Variants in HHAT observed in about 807,000 individuals in gnomAD.
The protein encoded by HHAT is hedgehog acyltransferase, also known as protein-cysteine N-palmitoyltransferase HHAT.
In HHAT, 47 loss-of-function variants were observed where a neutral mutation model predicts 70.8. That is an observed-to-expected ratio of 0.66 (90% CI 0.53 to 0.85). The LOEUF (loss-of-function observed/expected upper bound fraction) is 0.85, where lower values mean the gene tolerates loss of function less well. HHAT is among the 40% of genes least tolerant of loss of function. The pLI, the probability that HHAT is intolerant of heterozygous loss-of-function variation, is 0.00. For synonymous variants in HHAT, 228 were observed against 247.6 expected (o/e 0.92, Z 0.74); for missense variants, 609 against 604.8 (o/e 1.01, Z -0.07).
chr1:210,552,032 A>G (rs774053969), intron 9 of HHAT, among the ~76,000 whole-genome samples: 76 of 152,314 alleles, frequency 5.0e-4, no homozygotes, highest in Admixed American at 8.5e-4. Flanking sequence ...TTCATAATCT[A>G]TGACCCGCAG....
At chr1:210,337,036 C>T (rs1402230029) in intron 1 of HHAT, among the ~76,000 whole-genome samples, 1 of 152,056 alleles carries the variant, frequency 6.6e-6, no homozygotes, top group Admixed American at 6.6e-5. Context: ...ATAATTGACT[C>T]CCTTTTGCCA....
chr1:210,561,064 G>T (rs2095618986), intron 9 of HHAT, among the ~76,000 whole-genome samples: 1 of 152,040 alleles, frequency 6.6e-6, no homozygotes, highest in Non-Finnish European at 1.5e-5. Flanking sequence ...TCCTTTCCAG[G>T]TTTAAAACAG....
At chr1:210,581,524 A>G (rs1200164342) in intron 9 of HHAT, among the ~76,000 whole-genome samples, 1 of 152,242 alleles carries the variant, frequency 6.6e-6, no homozygotes, top group Non-Finnish European at 1.5e-5. Flanking sequence ...CCAGTGTAAC[A>G]TGGACAAAAG....
intron 6 of HHAT, among the ~76,000 whole-genome samples, chr1:210,408,020 C>T (rs1025455759): frequency 6.6e-6 from 1 of 152,088 alleles, no homozygotes; most frequent in African/African-American, 2.4e-5. Context: ...TGCTGTGCTT[C>T]GGCTTGAGAG....
intron 9 of HHAT, among the ~76,000 whole-genome samples, chr1:210,586,274 A>G (rs764079515): frequency 2.6e-5 from 4 of 152,094 alleles, no homozygotes; most frequent in Non-Finnish European, 5.9e-5. Flanking sequence ...TATCATCTCT[A>G]CAAAAAAAGT....
chr1:210,638,265 A>G (rs377046785), intron 11 of HHAT, among the ~76,000 whole-genome samples: 2 of 152,254 alleles, frequency 1.3e-5, no homozygotes, highest in African/African-American at 4.8e-5. Context: ...CATTCTGTGT[A>G]ATAGCCAAAA....
intron 10 of HHAT, among the ~76,000 whole-genome samples, chr1:210,609,275 C>A (rs1304090898): frequency 2.6e-5 from 4 of 152,006 alleles, no homozygotes; most frequent in Non-Finnish European, 5.9e-5. Context: ...TATATAATCT[C>A]CAAAGATTTA....
chr1:210,596,565 C>T (rs1393519670), intron 10 of HHAT, among the ~76,000 whole-genome samples: 1 of 151,888 alleles, frequency 6.6e-6, no homozygotes, highest in Non-Finnish European at 1.5e-5. Flanking sequence ...TTCAAGTGTG[C>T]TAATTCTTTC....
intron 11 of HHAT, among the ~76,000 whole-genome samples, chr1:210,656,371 T>C (rs1022158818): frequency 6.6e-6 from 1 of 151,728 alleles, no homozygotes; most frequent in Non-Finnish European, 1.5e-5. Context: ...CAGTCACGCA[T>C]GTGCTTTCTC....
At chr1:210,506,755 A>C (rs1442283625) in intron 8 of HHAT, among the ~76,000 whole-genome samples, 1 of 152,186 alleles carries the variant, frequency 6.6e-6, no homozygotes, top group Admixed American at 6.5e-5. Flanking sequence ...TTCTATGTGC[A>C]GTGTATGATG....
intron 11 of HHAT, among the ~76,000 whole-genome samples, chr1:210,630,544 G>T (rs975562586): frequency 5.3e-5 from 8 of 152,198 alleles, no homozygotes; most frequent in African/African-American, 1.7e-4. Context: ...AATTTCAAGG[G>T]TGGTGTTGAG....
intron 7 of HHAT, among the ~76,000 whole-genome samples, chr1:210,428,904 A>C (rs1024200266): frequency 6.6e-6 from 1 of 151,752 alleles, no homozygotes; most frequent in Non-Finnish European, 1.5e-5. Flanking sequence ...TGAGCCCAGG[A>C]GGTCAAGGCT....
intron 3 of HHAT, chr1:210,374,165 G>A (rs1024986998): frequency 3.4e-4 from 52 of 152,270 alleles, no homozygotes; most frequent in Admixed American, 2.9e-3. Flanking sequence ...TGCCTCCCCA[G>A]GGCAAGGCTT....
intron 8 of HHAT, among the ~76,000 whole-genome samples, chr1:210,504,493 C>G (rs2094816488): frequency 6.6e-6 from 1 of 152,174 alleles, no homozygotes; most frequent in Non-Finnish European, 1.5e-5. Flanking sequence ...ATCCAGATCT[C>G]GAATTTCTAA....
chr1:210,429,684 G>GT (rs1221463900), intron 7 of HHAT, among the ~76,000 whole-genome samples: 1 of 151,618 alleles, frequency 6.6e-6, no homozygotes, highest in African/African-American at 2.4e-5. Flanking sequence ...GGTCCCCCCT[G>GT]TTTGCATTGC....
intron 9 of HHAT, among the ~76,000 whole-genome samples, chr1:210,530,184 A>G (rs2095299639): frequency 6.6e-6 from 1 of 152,194 alleles, no homozygotes; most frequent in Non-Finnish European, 1.5e-5. Context: ...AATAGAGTTG[A>G]GTAAATGACT....
At chr1:210,617,186 T>G (rs762828631) in intron 10 of HHAT, among the ~76,000 whole-genome samples, 4 of 152,226 alleles carry the variant, frequency 2.6e-5, no homozygotes, top group Non-Finnish European at 5.9e-5. Flanking sequence ...CAGCTTTTGC[T>G]AAGTCACAGA....
At chr1:210,370,111 G>C (rs1470977865) in intron 3 of HHAT, among the ~76,000 whole-genome samples, 2 of 150,084 alleles carry the variant, frequency 1.3e-5, no homozygotes, top group African/African-American at 2.5e-5. Context: ...GTTTTGCAGA[G>C]CTAAACCCTT....
intron 11 of HHAT, among the ~76,000 whole-genome samples, chr1:210,625,158 A>G (rs1298243366): frequency 2.0e-5 from 3 of 152,218 alleles, no homozygotes; most frequent in African/African-American, 7.2e-5. Flanking sequence ...GTTTTAGCTG[A>G]TAGTTCCTGA....
Sources: gnomAD v4.1 joint callset for allele counts (sites outside exome capture counted in the v4.1 genomes callset) on GRCh38, gnomAD v4.1.1 for gene constraint, MANE v1.5 for transcripts, NCBI Gene and HGNC (gene_info 2026-07-23, HGNC 2026-07-21) for gene names.